Variants in RBM47 observed in about 807,000 individuals in gnomAD.
The protein encoded by RBM47 is RNA-binding protein 47.
Under a neutral mutation model 47.1 loss-of-function variants are expected in RBM47, and 21 were observed. The observed-to-expected ratio is 0.45, with a 90% CI of 0.32 to 0.64. RBM47 has a LOEUF of 0.64. Ranked by LOEUF, RBM47 falls within the 30% of genes least tolerant of loss-of-function variation. The pLI is 0.05. For synonymous variants in RBM47, 375 were observed against 361.7 expected (o/e 1.04, Z -0.42); for missense variants, 708 against 870.9 (o/e 0.81, Z 2.35).
At chr4:40,580,065 AGAG>A (rs1732737175) in intron 1 of RBM47, among the ~76,000 whole-genome samples, 1 of 152,016 alleles carries the variant, frequency 6.6e-6, no homozygotes, top group African/African-American at 2.4e-5. Flanking sequence ...GCCTACTTTT[AGAG>A]GATTTATAAA....
chr4:40,444,669 G>GTT (rs773605501), intron 3 of RBM47, among the ~76,000 whole-genome samples: 7 of 139,486 alleles, frequency 5.0e-5, no homozygotes, highest in African/African-American at 5.2e-5. Flanking sequence ...AATTCTAACT[G>GTT]TTTTTTTTTT....
chr4:40,529,834 T>TAATA (rs200058463), intron 2 of RBM47, among the ~76,000 whole-genome samples: 10,131 of 137,256 alleles, frequency 0.074, 380 homozygotes, highest in South Asian at 0.12. Context: ...ATCTAAAAAA[T>TAATA]AATAAATAAA....
At chr4:40,538,271 C>T (rs1728169146) in intron 2 of RBM47, among the ~76,000 whole-genome samples, 1 of 151,446 alleles carries the variant, frequency 6.6e-6, no homozygotes, top group African/African-American at 2.4e-5. Flanking sequence ...GTAACTTCTA[C>T]TGCATTTTCA....
rs866325950 is a variant in RBM47, at chr4:40,577,768, C to T, written c.-239-33262G>A. Among the ~76,000 whole-genome samples, 8 of 152,172 alleles carry T rather than the reference C, an allele frequency of 5.3e-5. No homozygotes were observed. In the South Asian group the frequency reaches 1.7e-3, roughly 32 times the overall value. ...CCGTTTAAAACTCTGGAGTTTTTTC[C>T]TACTTCAGCACATATCTCAAGATTA... On this transcript the variant is annotated intron_variant, in intron 1 of 6. Transcript: ENST00000295971.
Position 40,528,739 on chromosome 4 carries a change from T to A in RBM47, c.-155+15683A>T, listed in dbSNP as rs184388959. ...GAGATCGTGCCACTGCACTCCAGCC[T>A]GGGTGACAGAGTAAGTAAGACCCTG... On this transcript the variant is annotated intron_variant, in intron 2 of 6. Coordinates refer to ENST00000295971, the MANE Select transcript of RBM47 (RefSeq NM_001098634.2). Among the ~76,000 whole-genome samples, 694 of 152,202 alleles carry A rather than the reference T, an allele frequency of 4.6e-3. 5 individuals carry two copies. The highest frequency in any genetic ancestry group is 0.016 in the African/African-American group (667 of 41,520).
chr4:40,520,523 G>A (rs975906889), intron 2 of RBM47, among the ~76,000 whole-genome samples: 3 of 152,156 alleles, frequency 2.0e-5, no homozygotes, highest in African/African-American at 7.2e-5. Context: ...TATATATTTG[G>A]CCTGCAGAAT....
At chr4:40,453,490 C>A (rs1314530380) in intron 3 of RBM47, among the ~76,000 whole-genome samples, 1 of 152,230 alleles carries the variant, frequency 6.6e-6, no homozygotes, top group Admixed American at 6.5e-5. Context: ...TATCCTCTTA[C>A]ACTTAGAACT....
chr4:40,479,987 T>TC (rs1397416703), intron 2 of RBM47, among the ~76,000 whole-genome samples: 3 of 150,646 alleles, frequency 2.0e-5, no homozygotes, highest in African/African-American at 7.4e-5. Flanking sequence ...TTTTTTTTTT[T>TC]TTTTTTTGAG....
chr4:40,532,643 T>C (rs1184377734), intron 2 of RBM47, among the ~76,000 whole-genome samples: 1 of 142,438 alleles, frequency 7.0e-6, no homozygotes, highest in African/African-American at 2.9e-5. Flanking sequence ...TTTTCCTTTT[T>C]TTTTTCTTTT....
intron 1 of RBM47, among the ~76,000 whole-genome samples, chr4:40,603,467 T>C (rs1043346889): frequency 6.6e-6 from 1 of 152,188 alleles, no homozygotes; most frequent in African/African-American, 2.4e-5. Context: ...GTATATAACC[T>C]AGGAGTGGAA....
chr4:40,512,566 T>C (rs1725077736), intron 2 of RBM47, among the ~76,000 whole-genome samples: 2 of 147,984 alleles, frequency 1.4e-5, no homozygotes, highest in South Asian at 4.2e-4. Context: ...AATACAAAAA[T>C]TAGCTGGAGA....
chr4:40,520,823 G>A (rs1726124111), intron 2 of RBM47, among the ~76,000 whole-genome samples: 1 of 152,206 alleles, frequency 6.6e-6, no homozygotes, highest in Non-Finnish European at 1.5e-5. Context: ...GCTGCAATAG[G>A]AGAGGGGAGA....
At chr4:40,436,381 C>G in intron 5 of RBM47, 60 bp downstream of exon 5, 1 of 1,525,822 alleles carries the variant, frequency 6.6e-7, no homozygotes, top group South Asian at 1.1e-5. Context: ...GGATTCACTT[C>G]AAACAGAAGG....
intron 6 of RBM47, chr4:40,426,688 C>G (rs1220685314): frequency 6.6e-6 from 1 of 152,372 alleles, no homozygotes; most frequent in African/African-American, 2.4e-5. Context: ...CTTATAATAC[C>G]TAATATGATG....
chr4:40,626,700 G>T (rs1737771604), intron 1 of RBM47, among the ~76,000 whole-genome samples: 1 of 152,126 alleles, frequency 6.6e-6, no homozygotes, highest in Non-Finnish European at 1.5e-5. Flanking sequence ...CCTCCCCACT[G>T]CCTCTCCCCA....
intron 2 of RBM47, among the ~76,000 whole-genome samples, chr4:40,506,266 C>T (rs1724087460): frequency 6.6e-6 from 1 of 152,184 alleles, no homozygotes; most frequent in Non-Finnish European, 1.5e-5. Context: ...AAATGTTTCA[C>T]AATCCTCAAG....
At chr4:40,445,473 A>G (rs1030376905) in intron 3 of RBM47, among the ~76,000 whole-genome samples, 4 of 151,908 alleles carry the variant, frequency 2.6e-5, no homozygotes, top group African/African-American at 9.7e-5. Flanking sequence ...GTTTGTTTTC[A>G]TTCATTCATT....
At chr4:40,464,454 A>G (rs1407364542) in intron 3 of RBM47, among the ~76,000 whole-genome samples, 1 of 152,164 alleles carries the variant, frequency 6.6e-6, no homozygotes, top group Non-Finnish European at 1.5e-5. Context: ...CAATTATAGC[A>G]ATACTCTAAT....
rs146107056 is a variant in RBM47 at position 40,459,630 on chromosome 4, G to T, written c.-32+6947C>A. On this transcript the variant is annotated intron_variant, in intron 3 of 6. Coordinates refer to ENST00000295971, the MANE Select transcript of RBM47 (RefSeq NM_001098634.2). ...TGTGGTTTACCTGCATATAGAACTG[G>T]GTACAAATAGTCATACCCAGGTACT... Among the ~76,000 whole-genome samples, 599 of 152,156 alleles carry T rather than the reference G, an allele frequency of 3.9e-3. 5 individuals are homozygous for T. The highest frequency in any genetic ancestry group is 0.01 in the Admixed American group (157 of 15,288).
Sources: gnomAD v4.1 joint callset for allele counts (sites outside exome capture counted in the v4.1 genomes callset) on GRCh38, gnomAD v4.1.1 for gene constraint, MANE v1.5 for transcripts, NCBI Gene and HGNC (gene_info 2026-07-23, HGNC 2026-07-21) for gene names.